Variants in PRDM15 observed in about 807,000 individuals in gnomAD.
The protein encoded by PRDM15 is PR domain zinc finger protein 15.
A neutral mutation model predicts 128.6 loss-of-function variants in PRDM15; 64 were observed. The observed-to-expected ratio is 0.50, with a 90% CI of 0.41 to 0.61. The LOEUF is 0.61. Among genes scored for constraint, PRDM15 ranks in the 20% least tolerant of loss-of-function variants. The pLI is 0.00. For missense variants in PRDM15, 1,242 were observed against 1,569.1 expected (o/e 0.79, Z 3.52); for synonymous variants, 615 against 621.8 (o/e 0.99, Z 0.16).
At chr21:41,817,355 G>A (rs1355511682) in intron 18 of PRDM15, among the ~76,000 whole-genome samples, 2 of 152,150 alleles carry the variant, frequency 1.3e-5, no homozygotes, top group Non-Finnish European at 2.9e-5. Context: ...CAAGGCCCAT[G>A]ATGTGATTCT....
intron 23 of PRDM15, among the ~76,000 whole-genome samples, chr21:41,802,100 A>G (rs558244519): frequency 1.1e-4 from 17 of 152,354 alleles, no homozygotes; most frequent in Admixed American, 2.6e-4. Flanking sequence ...TTGCAGTACC[A>G]ATCGCTAATA....
chr21:41,822,279 G>A (rs1233893759), intron 14 of PRDM15, among the ~76,000 whole-genome samples: 4 of 152,184 alleles, frequency 2.6e-5, no homozygotes, highest in South Asian at 2.1e-4. Context: ...TCTCACATGC[G>A]CCCAGCAAGA....
At chr21:41,873,671 T>C (rs1300690414) in intron 1 of PRDM15, among the ~76,000 whole-genome samples, 2 of 152,192 alleles carry the variant, frequency 1.3e-5, no homozygotes, top group East Asian at 3.8e-4. Flanking sequence ...CTTAGTTTCA[T>C]CAAAGATGAC....
chr21:41,876,228 T>C (rs117072646), intron 1 of PRDM15, among the ~76,000 whole-genome samples: 3,578 of 152,232 alleles, frequency 0.024, 81 homozygotes, highest in East Asian at 0.061. Flanking sequence ...TAAATCATCA[T>C]CTGATATAAA....
intron 1 of PRDM15, among the ~76,000 whole-genome samples, chr21:41,866,135 C>CTTT (rs2064000627): frequency 6.6e-6 from 1 of 152,088 alleles, no homozygotes; most frequent in Non-Finnish European, 1.5e-5. Flanking sequence ...TATGTAGCAC[C>CTTT]CTATGTATAA....
intron 1 of PRDM15, among the ~76,000 whole-genome samples, chr21:41,863,575 C>T (rs1023102155): frequency 1.3e-5 from 2 of 152,050 alleles, no homozygotes; most frequent in Non-Finnish European, 2.9e-5. Context: ...CCAGGACCAT[C>T]TGCATCTAAC....
intron 5 of PRDM15, among the ~76,000 whole-genome samples, chr21:41,848,314 T>A (rs2063329757): frequency 6.6e-6 from 1 of 152,230 alleles, no homozygotes; most frequent in Non-Finnish European, 1.5e-5. Context: ...TGTGCATGCA[T>A]GTTCTGAGTT....
At chr21:41,831,475 G>A (rs913107405) in intron 11 of PRDM15, among the ~76,000 whole-genome samples, 2 of 152,184 alleles carry the variant, frequency 1.3e-5, no homozygotes, top group Non-Finnish European at 2.9e-5. Context: ...CACTGGCCAG[G>A]GCTCACAAAA....
intron 6 of PRDM15, 81 bp from the exon 7 acceptor site, chr21:41,839,934 T>C (rs781347203): frequency 1.4e-4 from 165 of 1,161,776 alleles, no homozygotes; most frequent in Non-Finnish European, 1.9e-4. Context: ...GGTTCCTATG[T>C]GTGTGTGTTT....
chr21:41,876,500 C>T (rs2064421102), intron 1 of PRDM15, among the ~76,000 whole-genome samples: 1 of 152,124 alleles, frequency 6.6e-6, no homozygotes, highest in Non-Finnish European at 1.5e-5. Context: ...TGTAGAGGCT[C>T]CCGCAGCTGC....
Position 41,854,465 on chromosome 21 carries a change from A to G in PRDM15, c.538+101T>C, listed in dbSNP as rs1001154327. On this transcript the variant is annotated intron_variant, in intron 5 of 23. Transcript: ENST00000398548. This position sits in a 1 kb window ranked among gnomAD's most constrained non-coding sequence, Gnocchi z 4.6. ...GCATCCCAGCAGCTGGCCCAGCCCA[A>G]CCCATCTCATCAGTGTGGGGTCAGC... 7 of 1,459,254 alleles carry G rather than the reference A, an allele frequency of 4.8e-6. No individual in the cohort carries two copies. The highest frequency in any genetic ancestry group is 6.5e-6 in the Non-Finnish European group (7 of 1,082,742). The allele number at this position is 1,459,254 out of a possible 1,614,324, so 90.4% of individuals were successfully genotyped here.
chr21:41,806,280 CCACCATCACCATCACCACCA>C, intron 21 of PRDM15, among the ~76,000 whole-genome samples: 2 of 14,806 alleles, frequency 1.4e-4, no homozygotes, highest in Non-Finnish European at 2.5e-4. Context: ...ATCACCACCA[CCACCATCACCATCACCACCA>C]CCATCACCAC....
intron 10 of PRDM15, among the ~76,000 whole-genome samples, 187 bp from the exon 11 acceptor site, chr21:41,835,711 A>G (rs1254425081): frequency 6.6e-6 from 1 of 152,014 alleles, no homozygotes. Context: ...TAGAAAGGGA[A>G]CTCCACACTC....
intron 6 of PRDM15, 40 bp from the exon 7 acceptor site, chr21:41,839,893 C>T (rs201747117): frequency 6.4e-7 from 1 of 1,567,064 alleles, no homozygotes; most frequent in Non-Finnish European, 8.8e-7. Flanking sequence ...AATTAGGAAG[C>T]CTGCCACCGT....
intron 1 of PRDM15, chr21:41,870,573 AGACG>A (rs1481120507): frequency 2.0e-5 from 3 of 152,226 alleles, no homozygotes; most frequent in Admixed American, 6.5e-5. Flanking sequence ...GGGTGGGTGG[AGACG>A]GACTCTGACT....
intron 1 of PRDM15, chr21:41,878,778 G>A (rs1172098211): frequency 4.2e-6 from 6 of 1,439,414 alleles, no homozygotes; most frequent in African/African-American, 1.5e-5. Flanking sequence ...GAGGGCGGGG[G>A]ATAACGACAT....
intron 5 of PRDM15, among the ~76,000 whole-genome samples, chr21:41,848,259 G>A (rs1186392690): frequency 1.3e-5 from 2 of 152,228 alleles, no homozygotes; most frequent in Non-Finnish European, 2.9e-5. Context: ...CAGCACTAAG[G>A]ATGCAATGAA....
At chr21:41,847,719 A>T (rs1279513031) in intron 5 of PRDM15, among the ~76,000 whole-genome samples, 1 of 152,224 alleles carries the variant, frequency 6.6e-6, no homozygotes, top group South Asian at 2.1e-4. Context: ...CAAGGCAGCC[A>T]CTAACCAGAT....
At position 41,862,126 on chromosome 21, in the gene PRDM15, C is replaced by T. The variant is rs967051386; in HGVS notation, c.-9-1754G>A. On this transcript the variant is annotated intron_variant, in intron 1 of 23. Coordinates refer to ENST00000398548, the MANE Select transcript of PRDM15 (RefSeq NM_001040424.3). This position sits in a 1 kb window ranked among gnomAD's most constrained non-coding sequence, Gnocchi z 4.1. ...GAAACCCAGAGTGGGGTGGGGAGGG[C>T]GCACGCTTTCATGAGTTGCTGCTGT... is the stretch of plus-strand genomic sequence containing the variant. 9 of 728,920 alleles carry T rather than the reference C, an allele frequency of 1.2e-5. No homozygotes were observed. The highest frequency in any genetic ancestry group is 2.7e-5 in the East Asian group (1 of 36,974). 45.2% of individuals were successfully genotyped at this position (728,920 alleles called of 1,614,324 possible).
Sources: allele counts gnomAD v4.1 joint callset (sites outside exome capture counted in the v4.1 genomes callset), GRCh38; gene constraint gnomAD v4.1.1; non-coding constraint Gnocchi (gnomAD v3.1); transcripts MANE v1.5; gene names NCBI Gene and HGNC (gene_info 2026-07-23, HGNC 2026-07-21).